The following RMDN1 variants were observed in gnomAD, a reference collection of about 807,000 sequenced individuals.
RMDN1 encodes the protein regulator of microtubule dynamics 1.
A neutral mutation model predicts 48.9 loss-of-function variants in RMDN1; 48 were observed. That is an observed-to-expected ratio of 0.98 (90% CI 0.78 to 1.25). RMDN1 has a LOEUF of 1.25. Ranked by LOEUF, RMDN1 falls within the 50% of genes most tolerant of loss-of-function variation. The probability of loss-of-function intolerance (pLI) is 0.00; values close to 1 mark genes in which losing one functional copy is unlikely to be tolerated. For missense variants in RMDN1, 418 were observed against 373.4 expected (o/e 1.12, Z -0.98); for synonymous variants, 148 against 132.6 (o/e 1.12, Z -0.80).
chr8:86,479,858 G>C (rs1000643471), intron 6 of RMDN1, among the ~76,000 whole-genome samples: 1 of 152,042 alleles, frequency 6.6e-6, no homozygotes, highest in Non-Finnish European at 1.5e-5. Flanking sequence ...ATAATCTACA[G>C]TGGACATAAG....
Position 86,474,009 on chromosome 8 carries a change from GATCTCCC to G in RMDN1, c.*292_*298del, listed in dbSNP as rs1812946264. The G allele has an allele frequency of 1.3e-5, 14 of 1,086,338 alleles. No homozygotes were observed. The highest frequency in any genetic ancestry group is 1.5e-5 in the Non-Finnish European group (13 of 894,326). The allele number at this position is 1,086,338 out of a possible 1,614,324, so 67.3% of individuals were successfully genotyped here. On this transcript the variant is annotated 3_prime_UTR_variant, in exon 10 of 10. Coordinates refer to ENST00000406452, the MANE Select transcript of RMDN1 (RefSeq NM_016033.3). The stretch of plus-strand genomic sequence containing the variant: ...CTCCTCTACAAATATTTCTTTGCTT[GATCTCCC>G]ATCCCAATGTGATCAATCCTTAGAA...
At chr8:86,498,787 A>G (rs1237112921) in intron 2 of RMDN1, among the ~76,000 whole-genome samples, 1 of 152,186 alleles carries the variant, frequency 6.6e-6, no homozygotes, top group Non-Finnish European at 1.5e-5. Context: ...TCTTAAGAAA[A>G]AGAAAAAAGA....
In RMDN1 at chr8:86,474,376, A is replaced by G; in HGVS notation, c.895-18T>C. The G allele has an allele frequency of 6.4e-7, 1 of 1,571,956 alleles. No homozygotes were observed. The highest frequency in any genetic ancestry group is 8.8e-7 in the Non-Finnish European group (1 of 1,142,138). On this transcript the variant is annotated intron_variant, in intron 9 of 9. Transcript: ENST00000406452. ...GTCTGTATCTAAAATGGAAAAATAC[A>G]TGTTATAAGTAAACAGGAGAGCTAA...
chr8:86,495,847 T>C (rs1230919831), intron 2 of RMDN1, among the ~76,000 whole-genome samples: 1 of 151,988 alleles, frequency 6.6e-6, no homozygotes, highest in East Asian at 1.9e-4. Context: ...TCAAGACACA[T>C]AGTCATCAGA....
At chr8:86,488,027 C>G (rs1345239355) in intron 3 of RMDN1, among the ~76,000 whole-genome samples, 1 of 152,086 alleles carries the variant, frequency 6.6e-6, no homozygotes, top group Non-Finnish European at 1.5e-5. Flanking sequence ...CTCCACACTC[C>G]TCCCAAAAAT....
intron 2 of RMDN1, among the ~76,000 whole-genome samples, chr8:86,493,539 G>A (rs1243707731): frequency 2.0e-5 from 3 of 149,356 alleles, no homozygotes. Flanking sequence ...TTGTAAGAAT[G>A]TGGATGAACA....
rs1812987658 is a variant in RMDN1, at chr8:86,474,268, A to G, written c.*40T>C. The G allele has an allele frequency of 3.1e-6, 5 of 1,609,864 alleles. No individual in the cohort carries two copies. Among genetic ancestry groups the G allele is most frequent in the African/African-American group, 1.3e-5 (1 of 74,800 alleles). On this transcript the variant is annotated 3_prime_UTR_variant, in exon 10 of 10. Transcript: ENST00000406452. ...AAGTTTAGAATTAAAAGAAAAGGCA[A>G]TGTTTATTAGCTATTTCATAAATCT...
intron 2 of RMDN1, among the ~76,000 whole-genome samples, chr8:86,490,983 C>T (rs1816390808): frequency 6.6e-6 from 1 of 151,666 alleles, no homozygotes; most frequent in South Asian, 2.1e-4. Flanking sequence ...GATGGCAAGA[C>T]ACCATATCTT....
At chr8:86,508,392 C>A in intron 1 of RMDN1, 100 bp downstream of exon 1, 2 of 1,329,714 alleles carry the variant, frequency 1.5e-6, no homozygotes, top group Non-Finnish European at 2.0e-6. Context: ...CGGTTCACCA[C>A]ATTCCTTAGG....
intron 2 of RMDN1, chr8:86,494,774 T>C (rs761991922): frequency 3.6e-6 from 1 of 275,128 alleles, no homozygotes; most frequent in Non-Finnish European, 7.3e-6. Flanking sequence ...TGAGGTTCAA[T>C]ACCAGCCCAG....
At chr8:86,491,325 AG>A (rs1382133814) in intron 2 of RMDN1, among the ~76,000 whole-genome samples, 7 of 152,000 alleles carry the variant, frequency 4.6e-5, no homozygotes, top group Non-Finnish European at 8.8e-5. Context: ...TAGTAGAGAC[AG>A]GGTTTCACCA....
chr8:86,468,786 A>G (rs1312062033), downstream of RMDN1: 4 of 449,346 alleles, frequency 8.9e-6, no homozygotes, highest in Non-Finnish European at 8.9e-6. Context: ...TAGATATCCA[A>G]GACCTACAGG....
intron 2 of RMDN1, among the ~76,000 whole-genome samples, chr8:86,496,072 GAA>G (rs545141807): frequency 6.6e-6 from 1 of 152,066 alleles, no homozygotes; most frequent in Non-Finnish European, 1.5e-5. Context: ...AAGCAAAAGA[GAA>G]ATAGAATCCT....
downstream of RMDN1, among the ~76,000 whole-genome samples, chr8:86,471,883 C>G (rs979564931): frequency 6.6e-6 from 1 of 152,108 alleles, no homozygotes; most frequent in East Asian, 1.9e-4. Flanking sequence ...GTCAATGTTG[C>G]AAGAAGAAAA....
exon 1 of RMDN1, chr8:86,514,329 G>A: frequency 1.1e-6 from 1 of 931,202 alleles, no homozygotes; most frequent in Non-Finnish European, 1.3e-6. Context: ...CTGACATGCA[G>A]CCCGGAGTCA....
upstream of RMDN1, among the ~76,000 whole-genome samples, chr8:86,511,198 G>A (rs548871380): frequency 1.3e-5 from 2 of 152,042 alleles, no homozygotes; most frequent in East Asian, 3.9e-4. Flanking sequence ...AAGAAGTTCG[G>A]GCACGGTGGC....
chr8:86,486,579 T>C lies in RMDN1; in HGVS notation c.400A>G (p.Thr134Ala). The C allele has an allele frequency of 6.2e-7, 1 of 1,613,034 alleles. No individual in the cohort carries two copies. The highest frequency in any genetic ancestry group is 1.3e-5 in the African/African-American group (1 of 75,030). ...ASRDVAQLSR[T>A]SEEEKKLLVY... ...AATAGCTTTTTCTCCTCTTCTGAGG[T>C]TCTGCTAAGCTGAGCTACATCACGT... The change falls in exon 4 of 10, where the codon ACC becomes GCC. Residue 134 changes from threonine to alanine, a missense_variant. Coordinates refer to ENST00000406452, the MANE Select transcript of RMDN1 (RefSeq NM_016033.3).
chr8:86,512,813 C>T (rs916978550), upstream of RMDN1, among the ~76,000 whole-genome samples: 1 of 152,216 alleles, frequency 6.6e-6, no homozygotes, highest in East Asian at 1.9e-4. Context: ...GTGGCTCACA[C>T]CTGTAATCCC....
intron 2 of RMDN1, among the ~76,000 whole-genome samples, chr8:86,493,903 A>G (rs990447637): frequency 1.3e-5 from 2 of 152,196 alleles, no homozygotes; most frequent in Non-Finnish European, 2.9e-5. Context: ...CCAAAATCCA[A>G]AACAATCCAA....
Sources: gnomAD v4.1 joint callset for allele counts (sites outside exome capture counted in the v4.1 genomes callset) on GRCh38, gnomAD v4.1.1 for gene constraint, MANE v1.5 for transcripts, NCBI Gene and HGNC (gene_info 2026-07-23, HGNC 2026-07-21) for gene names.